Variants in CTXND1 observed in about 807,000 individuals in gnomAD.
The protein encoded by CTXND1 is cortexin domain containing 1.
At chr15:80,238,319 G>A (rs1335318819) in intron 1 of CTXND1, among the ~76,000 whole-genome samples, 1 of 151,932 alleles carries the variant, frequency 6.6e-6, no homozygotes, top group African/African-American at 2.4e-5. Flanking sequence ...GTTTAGATAT[G>A]TTCAGATATA....
intron 1 of CTXND1, among the ~76,000 whole-genome samples, chr15:80,233,095 C>G (rs1376526443): frequency 6.6e-6 from 1 of 152,060 alleles, no homozygotes; most frequent in Non-Finnish European, 1.5e-5. Context: ...GCGCCCACCA[C>G]CACGCCTGGC....
chr15:80,233,099 G>A (rs1413726444), intron 1 of CTXND1, among the ~76,000 whole-genome samples: 2 of 151,874 alleles, frequency 1.3e-5, no homozygotes, highest in African/African-American at 2.4e-5. Flanking sequence ...CCACCACCAC[G>A]CCTGGCTAAT....
intron 1 of CTXND1, among the ~76,000 whole-genome samples, chr15:80,229,648 C>A (rs116573329): frequency 1.2e-4 from 18 of 152,276 alleles, no homozygotes; most frequent in African/African-American, 4.3e-4. Context: ...TTAAAATATC[C>A]TTTGTTCCTA....
chr15:80,225,105 T>C (rs1003514732), intron 1 of CTXND1, among the ~76,000 whole-genome samples: 1 of 152,224 alleles, frequency 6.6e-6, no homozygotes, highest in Non-Finnish European at 1.5e-5. Flanking sequence ...AAGTGTTGTT[T>C]TGCTAACACA....
intron 1 of CTXND1, among the ~76,000 whole-genome samples, chr15:80,248,711 G>A (rs1277592237): frequency 6.6e-6 from 1 of 152,160 alleles, no homozygotes; most frequent in Non-Finnish European, 1.5e-5. Flanking sequence ...GTAGCCGGAG[G>A]GAACTGGATG....
At chr15:80,238,208 C>G (rs2141462344) in intron 1 of CTXND1, among the ~76,000 whole-genome samples, 1 of 152,156 alleles carries the variant, frequency 6.6e-6, no homozygotes, top group African/African-American at 2.4e-5. Flanking sequence ...CAATGACTCA[C>G]CCAGAGCAAC....
At chr15:80,244,127 A>T (rs1213712094) in intron 1 of CTXND1, among the ~76,000 whole-genome samples, 2 of 152,196 alleles carry the variant, frequency 1.3e-5, no homozygotes, top group Admixed American at 6.5e-5. Context: ...AGATCAACCA[A>T]GCCATTGTTA....
At chr15:80,241,850 A>G (rs1348963456) in intron 1 of CTXND1, among the ~76,000 whole-genome samples, 2 of 152,228 alleles carry the variant, frequency 1.3e-5, no homozygotes, top group Non-Finnish European at 2.9e-5. Context: ...CAGAAATACC[A>G]AAGTCCAATT....
Position 80,212,145 on chromosome 15 carries a change from C to G in CTXND1, c.-217-8405G>C, listed in dbSNP as rs532846154. 3.8e-4 allele frequency among the ~76,000 whole-genome samples: 58 copies of G among 152,258 alleles called. 1 individual carries two copies. The South Asian group carries it at 0.012, about 32-fold the overall frequency. On this transcript the variant is annotated intron_variant, in intron 1 of 2. Transcript: ENST00000560778. ...TTGTGTAATTTACACTACAGAGCAC[C>G]ACAGGATCAGGCTGAGACTTGCCCT...
chr15:80,220,170 T>C (rs1893299827), intron 1 of CTXND1, among the ~76,000 whole-genome samples: 1 of 151,600 alleles, frequency 6.6e-6, no homozygotes, highest in South Asian at 2.1e-4. Flanking sequence ...TCTATCTATC[T>C]ATTTATCTAT....
chr15:80,241,538 A>G (rs1567135421), intron 1 of CTXND1, among the ~76,000 whole-genome samples: 1 of 152,158 alleles, frequency 6.6e-6, no homozygotes. Context: ...ATGCTCAGAC[A>G]TGTAAGGGCT....
chr15:80,220,655 A>C (rs59548244), intron 1 of CTXND1, among the ~76,000 whole-genome samples: 48,000 of 151,870 alleles, frequency 0.32, 7,597 homozygotes, highest in East Asian at 0.39. Flanking sequence ...TATGATATTG[A>C]GTCTTCCCAT....
At chr15:80,211,337 C>A (rs925110894) in intron 1 of CTXND1, among the ~76,000 whole-genome samples, 1 of 152,230 alleles carries the variant, frequency 6.6e-6, no homozygotes, top group Non-Finnish European at 1.5e-5. Flanking sequence ...CATGTGCAAT[C>A]ATCAGCTGGT....
chr15:80,247,823 C>T (rs376828329), intron 1 of CTXND1, among the ~76,000 whole-genome samples: 8 of 121,212 alleles, frequency 6.6e-5, no homozygotes, highest in Non-Finnish European at 1.1e-4. Flanking sequence ...AATATATTAA[C>T]ATTTTAACTG....
At chr15:80,217,564 A>ATTTG (rs1893267116) in intron 1 of CTXND1, among the ~76,000 whole-genome samples, 1 of 149,200 alleles carries the variant, frequency 6.7e-6, no homozygotes, top group Non-Finnish European at 1.5e-5. Context: ...TTATTTATTT[A>ATTTG]GAGACAGTGT....
At chr15:80,205,652 C>A (rs1893140476) in intron 1 of CTXND1, among the ~76,000 whole-genome samples, 1 of 152,194 alleles carries the variant, frequency 6.6e-6, no homozygotes, top group Admixed American at 6.5e-5. Context: ...CAGATCCCGG[C>A]ATCCAGACAA....
intron 1 of CTXND1, among the ~76,000 whole-genome samples, chr15:80,220,434 T>C (rs1893302942): frequency 6.6e-6 from 1 of 152,234 alleles, no homozygotes; most frequent in Non-Finnish European, 1.5e-5. Flanking sequence ...GCCAATACCA[T>C]ACTGTGTTAA....
At chr15:80,238,221 C>T (rs564840658) in intron 1 of CTXND1, among the ~76,000 whole-genome samples, 71 of 152,184 alleles carry the variant, frequency 4.7e-4, no homozygotes, top group African/African-American at 1.7e-3. Flanking sequence ...AGAGCAACTT[C>T]CAGTCCTGCA....
chr15:80,207,822 G>T (rs967963275), intron 1 of CTXND1, among the ~76,000 whole-genome samples: 1 of 152,210 alleles, frequency 6.6e-6, no homozygotes, highest in African/African-American at 2.4e-5. Flanking sequence ...TATTCCTAGG[G>T]TGTTGCACTG....
Sources: allele counts gnomAD v4.1 joint callset (sites outside exome capture counted in the v4.1 genomes callset), GRCh38; gene constraint gnomAD v4.1.1; transcripts MANE v1.5; gene names NCBI Gene and HGNC (gene_info 2026-07-23, HGNC 2026-07-21).